Variants in CDIN1 observed in about 807,000 individuals in gnomAD.
CDIN1 encodes CDAN1 interacting nuclease 1.
Under a neutral mutation model 45.3 loss-of-function variants are expected in CDIN1, and 33 were observed. The observed-to-expected ratio is 0.73, with a 90% CI of 0.55 to 0.97. The LOEUF (loss-of-function observed/expected upper bound fraction) is 0.97, where lower values mean the gene tolerates loss of function less well. Among genes scored for constraint, CDIN1 ranks in the 50% least tolerant of loss-of-function variants. The pLI is 0.00. For missense variants in CDIN1, 303 were observed against 339.4 expected (o/e 0.89, Z 0.84); for synonymous variants, 118 against 124.4 (o/e 0.95, Z 0.34).
chr15:36,771,941 A>AG (rs1229719485), intron 10 of CDIN1, among the ~76,000 whole-genome samples: 1 of 151,726 alleles, frequency 6.6e-6, no homozygotes, highest in East Asian at 1.9e-4. Flanking sequence ...AAAAAAAAAA[A>AG]AAGAAGATAG....
At chr15:36,673,276 A>G (rs1286705532) in intron 5 of CDIN1, among the ~76,000 whole-genome samples, 1 of 152,076 alleles carries the variant, frequency 6.6e-6, no homozygotes, top group Non-Finnish European at 1.5e-5. Context: ...GTATCTGTAA[A>G]TGTTTTCAGA....
At chr15:36,779,076 A>G (rs1420968730) in intron 10 of CDIN1, among the ~76,000 whole-genome samples, 5 of 152,186 alleles carry the variant, frequency 3.3e-5, no homozygotes, top group Non-Finnish European at 7.3e-5. Flanking sequence ...AAAATACACC[A>G]TATGTTGTCA....
intron 1 of CDIN1, among the ~76,000 whole-genome samples, chr15:36,586,105 T>A (rs2037284981): frequency 6.6e-6 from 1 of 152,052 alleles, no homozygotes; most frequent in Admixed American, 6.6e-5. Flanking sequence ...CATGACTAGT[T>A]CCGGCTCCTA....
Position 36,720,420 on chromosome 15 carries a change from C to G in CDIN1, c.716+10459C>G, listed in dbSNP as rs182421943. On this transcript the variant is annotated intron_variant, in intron 10 of 10. Transcript: ENST00000566621. ...TTAGGTATTTCTCCTAATGCTATCCCTCCTCCCTCCCCCGACCCTATGACA... is the reference window on the plus strand; with the variant it reads ...TTAGGTATTTCTCCTAATGCTATCCGTCCTCCCTCCCCCGACCCTATGACA... Among the ~76,000 whole-genome samples the G allele has an allele frequency of 3.9e-3, 582 of 147,826 alleles. 2 individuals are homozygous for G. The highest frequency in any genetic ancestry group is 0.014 in the African/African-American group (545 of 40,088).
chr15:36,620,266 G>A (rs930815337), intron 1 of CDIN1, among the ~76,000 whole-genome samples: 33 of 152,212 alleles, frequency 2.2e-4, no homozygotes, highest in Admixed American at 5.2e-4. Flanking sequence ...CAGGAGAATG[G>A]CGTGACACCG....
At chr15:36,707,956 GAAT>G (rs1162807911) in intron 8 of CDIN1, 1 of 152,002 alleles carries the variant, frequency 6.6e-6, no homozygotes, top group East Asian at 1.9e-4. Flanking sequence ...AGATTGTTCT[GAAT>G]ACTGGCACCA....
At chr15:36,800,909 G>GTGTGTGTATATATATATATATA (rs1156514805) in intron 10 of CDIN1, among the ~76,000 whole-genome samples, 4 of 22,386 alleles carry the variant, frequency 1.8e-4, no homozygotes, top group Admixed American at 9.5e-4. Flanking sequence ...GTGTGTGTGT[G>GTGTGTGTATATATATATATATA]TATATATATA....
At chr15:36,669,509 A>G (rs916795306) in intron 5 of CDIN1, among the ~76,000 whole-genome samples, 9 of 152,096 alleles carry the variant, frequency 5.9e-5, no homozygotes, top group Non-Finnish European at 8.8e-5. Context: ...TCCATCACTC[A>G]GTTTTAGTTA....
chr15:36,731,483 C>T (rs931325203), intron 10 of CDIN1, among the ~76,000 whole-genome samples: 3 of 152,094 alleles, frequency 2.0e-5, no homozygotes, highest in African/African-American at 7.2e-5. Context: ...TTAGCTAAAG[C>T]TGTTGCAAAG....
At chr15:36,660,927 C>T (rs878940554) in intron 5 of CDIN1, among the ~76,000 whole-genome samples, 1 of 152,172 alleles carries the variant, frequency 6.6e-6, no homozygotes, top group Non-Finnish European at 1.5e-5. Context: ...CCAAATTAGA[C>T]ATGAGGAAGT....
chr15:36,637,622 C>T (rs2039953248), intron 1 of CDIN1, among the ~76,000 whole-genome samples: 2 of 152,106 alleles, frequency 1.3e-5, no homozygotes, highest in Non-Finnish European at 1.5e-5. Flanking sequence ...TGCATTTATA[C>T]CCATCAGAAA....
chr15:36,615,711 C>A (rs2038857257), intron 1 of CDIN1, among the ~76,000 whole-genome samples: 1 of 152,174 alleles, frequency 6.6e-6, no homozygotes, highest in Non-Finnish European at 1.5e-5. Flanking sequence ...CCCGCAACAA[C>A]CAATGAAAGA....
chr15:36,748,602 C>G (rs1206547104), intron 10 of CDIN1, among the ~76,000 whole-genome samples: 3 of 151,990 alleles, frequency 2.0e-5, no homozygotes, highest in African/African-American at 7.3e-5. Flanking sequence ...TCCAAGGTCT[C>G]AGATACTTGA....
Position 36,808,515 on chromosome 15 carries a change from C to A in CDIN1, c.*62C>A. 1 of 1,589,686 alleles carries A rather than the reference C, an allele frequency of 6.3e-7. No individual in the cohort carries two copies. Among genetic ancestry groups the A allele is most frequent in the Non-Finnish European group, 8.6e-7 (1 of 1,167,190 alleles). ...GTGAATCCGGAAGCAATTTTACTTT[C>A]CTGCACTGTAAGATCCTGGCAACAT... On this transcript the variant is annotated 3_prime_UTR_variant, in exon 11 of 11. Coordinates refer to ENST00000566621, the MANE Select transcript of CDIN1 (RefSeq NM_001321759.2).
At chr15:36,691,910 A>T in intron 6 of CDIN1, 146 bp downstream of exon 6, 1 of 785,288 alleles carries the variant, frequency 1.3e-6, no homozygotes, top group South Asian at 1.8e-5. Flanking sequence ...TATTTGCGAG[A>T]AGAGCATTTC....
chr15:36,737,601 G>C (rs1401270332), intron 10 of CDIN1, among the ~76,000 whole-genome samples: 2 of 152,104 alleles, frequency 1.3e-5, no homozygotes, highest in Non-Finnish European at 2.9e-5. Context: ...ATTAGTTACT[G>C]TCTAGCTAGT....
chr15:36,697,789 G>A (rs1043819697), intron 8 of CDIN1, among the ~76,000 whole-genome samples: 11 of 152,142 alleles, frequency 7.2e-5, no homozygotes, highest in African/African-American at 2.7e-4. Flanking sequence ...GAACTGGGTA[G>A]TACTTTTACT....
In CDIN1 at chr15:36,808,840, T is replaced by G. The variant is rs78928536; in HGVS notation, c.*387T>G. On this transcript the variant is annotated 3_prime_UTR_variant, in exon 11 of 11. Coordinates refer to ENST00000566621, the MANE Select transcript of CDIN1 (RefSeq NM_001321759.2). Reference sequence around the variant, plus strand: ...CCAGTTACCGAATCACCCTCTTATTTTTTTTTCCCTAAGCCTCCGTTCACT... The same window carrying G: ...CCAGTTACCGAATCACCCTCTTATTGTTTTTTCCCTAAGCCTCCGTTCACT... 22 of 451,542 alleles carry G rather than the reference T, an allele frequency of 4.9e-5. No individual in the cohort carries two copies. The highest frequency in any genetic ancestry group is 3.3e-4 in the Middle Eastern group (1 of 3,050). The allele number at this position is 451,542 out of a possible 1,614,324, so 28.0% of individuals were successfully genotyped here. A position where few individuals can be genotyped will look rare whatever the true frequency, so the allele number is the denominator to read the frequency against.
chr15:36,696,521 C>G (rs1289196589), intron 7 of CDIN1: 2 of 152,216 alleles, frequency 1.3e-5, no homozygotes, highest in African/African-American at 4.8e-5. Flanking sequence ...GTATTCTTTA[C>G]TGTACCTATT....
Sources: allele counts gnomAD v4.1 joint callset (sites outside exome capture counted in the v4.1 genomes callset), GRCh38; gene constraint gnomAD v4.1.1; transcripts MANE v1.5; gene names NCBI Gene and HGNC (gene_info 2026-07-23, HGNC 2026-07-21).